Variants in SLC30A5 observed in about 807,000 individuals in gnomAD.
SLC30A5 encodes the protein solute carrier family 30 member 5.
A neutral mutation model predicts 79.6 loss-of-function variants in SLC30A5; 33 were observed. The ratio of observed to expected loss-of-function variants is 0.41; its 90% CI spans 0.31 to 0.55. The LOEUF (loss-of-function observed/expected upper bound fraction) is 0.55, where lower values mean the gene tolerates loss of function less well. Among genes scored for constraint, SLC30A5 ranks in the 20% least tolerant of loss-of-function variants. The pLI is 0.20. For synonymous variants in SLC30A5, 299 were observed against 319.7 expected, an observed-to-expected ratio of 0.94 and a Z score of 0.69; for missense variants, 788 against 928.1, an observed-to-expected ratio of 0.85 and a Z score of 1.96.
chr5:69,124,038 G>A (rs537089480), intron 14 of SLC30A5, among the ~76,000 whole-genome samples: 486 of 149,296 alleles, frequency 3.3e-3, no homozygotes, highest in Middle Eastern at 0.014. Context: ...GCGTGAACCC[G>A]GGAGGCAGAG....
At chr5:69,094,398 GCCT>G in intron 1 of SLC30A5, 60 bp downstream of exon 1, 1 of 1,239,956 alleles carries the variant, frequency 8.1e-7, no homozygotes, top group Non-Finnish European at 1.0e-6. Context: ...ACTTTCTCCG[GCCT>G]CCCTCCGGTC....
chr5:69,115,797 T>C, intron 8 of SLC30A5, 129 bp from the exon 9 acceptor site: 1 of 792,098 alleles, frequency 1.3e-6, no homozygotes, highest in Non-Finnish European at 2.0e-6. Context: ...ATAGCTTTTA[T>C]ATGTTGGCAT....
rs536471290 is a variant in SLC30A5, at chr5:69,100,558, C to G, written c.84-249C>G. On this transcript the variant is annotated intron_variant, in intron 1 of 15. Coordinates refer to ENST00000396591, the MANE Select transcript of SLC30A5 (RefSeq NM_022902.5). ...GACCAAGGCTGGAGGATCGCTTGACCAAAGGAGTTCGAGACCAGCCTGGGC... is the reference window on the plus strand; with the variant it reads ...GACCAAGGCTGGAGGATCGCTTGACGAAAGGAGTTCGAGACCAGCCTGGGC... Among the ~76,000 whole-genome samples, 58 of 149,474 alleles carry G rather than the reference C, an allele frequency of 3.9e-4. 1 individual carries two copies. The highest frequency in any genetic ancestry group is 1.4e-3 in the African/African-American group (57 of 40,480).
chr5:69,129,012 A>G (rs1215232107), intron 15 of SLC30A5, among the ~76,000 whole-genome samples: 1 of 152,114 alleles, frequency 6.6e-6, no homozygotes, highest in Non-Finnish European at 1.5e-5. Context: ...CATTCATTTT[A>G]GAGACAAGAT....
chr5:69,121,165 A>C (rs1746524240), intron 12 of SLC30A5, among the ~76,000 whole-genome samples: 1 of 152,172 alleles, frequency 6.6e-6, no homozygotes, highest in Non-Finnish European at 1.5e-5. Context: ...AATTTAAATA[A>C]ATGCGAGATT....
At position 69,129,652 on chromosome 5, in the gene SLC30A5, T is replaced by C. The variant is rs1283341607; in HGVS notation, c.*35T>C. On this transcript the variant is annotated 3_prime_UTR_variant, in exon 16 of 16. Coordinates refer to ENST00000396591, the MANE Select transcript of SLC30A5 (RefSeq NM_022902.5). ...AGAATTACCCCTGGAGAATAAACAA[T>C]GAAGATTAAATGACTCAGTATTTGT... 1 of 1,560,144 alleles carries C rather than the reference T, an allele frequency of 6.4e-7. No homozygotes were observed. Among genetic ancestry groups the C allele is most frequent in the African/African-American group, 1.4e-5 (1 of 73,382 alleles).
At chr5:69,101,112 C>T (rs942824247) in intron 2 of SLC30A5, among the ~76,000 whole-genome samples, 183 bp downstream of exon 2, 4 of 152,002 alleles carry the variant, frequency 2.6e-5, no homozygotes, top group Admixed American at 6.6e-5. Flanking sequence ...GAAAAGAAAA[C>T]GGATTGTTGT....
chr5:69,113,762 A>C (rs1389151467), intron 6 of SLC30A5, among the ~76,000 whole-genome samples: 1 of 152,088 alleles, frequency 6.6e-6, no homozygotes, highest in Non-Finnish European at 1.5e-5. Context: ...CTATTCATAC[A>C]TCCTTACCCA....
At chr5:69,107,734 CTT>C (rs377505223) in intron 4 of SLC30A5, among the ~76,000 whole-genome samples, 30 of 136,902 alleles carry the variant, frequency 2.2e-4, no homozygotes, top group Admixed American at 2.9e-4. Flanking sequence ...GTTGCCTGTA[CTT>C]TTTTTTTTTT....
At chr5:69,118,469 C>G in intron 11 of SLC30A5, 30 bp from the exon 12 acceptor site, 1 of 1,573,942 alleles carries the variant, frequency 6.4e-7, no homozygotes, top group East Asian at 2.4e-5. Context: ...TTGTCCTTTT[C>G]CTTTTCTGAA....
rs1746383547 is a variant in SLC30A5, at chr5:69,116,732, T to C, written c.1281+130T>C. ...AGCTAAAATTTAAATTTTTTCTAAG[T>C]ATAATAGCAAGATTACGAGATCATA... On this transcript the variant is annotated intron_variant, in intron 10 of 15. Coordinates refer to ENST00000396591, the MANE Select transcript of SLC30A5 (RefSeq NM_022902.5). This position sits in a 1 kb window ranked among gnomAD's most constrained non-coding sequence, Gnocchi z 4.0. 2 of 593,908 alleles carry C rather than the reference T, an allele frequency of 3.4e-6. No individual in the cohort carries two copies. Among genetic ancestry groups the C allele is most frequent in the Non-Finnish European group, 5.4e-6 (2 of 369,838 alleles). The allele number at this position is 593,908 out of a possible 1,614,324, so 36.8% of individuals were successfully genotyped here. A position where few individuals can be genotyped will look rare whatever the true frequency, so the allele number is the denominator to read the frequency against.
chr5:69,103,439 G>A (rs893456226), intron 3 of SLC30A5, among the ~76,000 whole-genome samples: 2 of 152,146 alleles, frequency 1.3e-5, no homozygotes, highest in African/African-American at 4.8e-5. Context: ...CAAGAGCCTA[G>A]TACAAATGTC....
chr5:69,110,336 C>T (rs1746199204), intron 5 of SLC30A5, among the ~76,000 whole-genome samples: 1 of 152,040 alleles, frequency 6.6e-6, no homozygotes, highest in African/African-American at 2.4e-5. Flanking sequence ...TAGATAAAGA[C>T]AAATAAGGTA....
In SLC30A5 at chr5:69,108,370, C is replaced by CA; in HGVS notation, c.382dup (p.Ser128LysfsTer2). ...GTAGGACTTTGCTGCTATTTGAGCA[C>CA]AGTGATATTGTTGTCATTTCACTAC... is the stretch of plus-strand genomic sequence containing the variant. On this transcript the variant is annotated frameshift_variant, in exon 5 of 16. Coordinates refer to ENST00000396591, the MANE Select transcript of SLC30A5 (RefSeq NM_022902.5). LOFTEE classifies it high-confidence loss of function. The CA allele has an allele frequency of 6.2e-7, 1 of 1,612,954 alleles. No individual in the cohort carries two copies. The highest frequency in any genetic ancestry group is 1.3e-5 in the African/African-American group (1 of 75,012).
chr5:69,114,345 C>T (rs1357614006), intron 6 of SLC30A5, 75 bp from the exon 7 acceptor site: 5 of 845,424 alleles, frequency 5.9e-6, no homozygotes, highest in Non-Finnish European at 1.0e-5. Context: ...AATAATGTAA[C>T]TAAAATTTCA....
intron 14 of SLC30A5, among the ~76,000 whole-genome samples, chr5:69,124,081 T>G (rs350110): frequency 7.3e-6 from 1 of 136,540 alleles, no homozygotes; most frequent in African/African-American, 2.9e-5. Context: ...CCACTACACT[T>G]CAGCCTGGGT....
intron 6 of SLC30A5, 99 bp downstream of exon 6, chr5:69,113,326 A>G (rs1746284323): frequency 1.3e-6 from 1 of 787,200 alleles, no homozygotes; most frequent in Non-Finnish European, 2.0e-6. Context: ...AAACTGATCA[A>G]TGATGAATGA....
At chr5:69,104,249 T>A in intron 3 of SLC30A5, 1 of 581,354 alleles carries the variant, frequency 1.7e-6, no homozygotes, top group Non-Finnish European at 2.6e-6. Flanking sequence ...GCGATTCTCC[T>A]GCCTCAGCCT....
intron 1 of SLC30A5, among the ~76,000 whole-genome samples, chr5:69,096,972 CAAAA>C (rs35484001): frequency 6.8e-6 from 1 of 146,414 alleles, no homozygotes; most frequent in East Asian, 2.0e-4. Context: ...CTTTCCCCTC[CAAAA>C]AAAAACCCCA....
Sources: allele counts gnomAD v4.1 joint callset (sites outside exome capture counted in the v4.1 genomes callset), GRCh38; gene constraint gnomAD v4.1.1; non-coding constraint Gnocchi (gnomAD v3.1); transcripts MANE v1.5; gene names NCBI Gene and HGNC (gene_info 2026-07-23, HGNC 2026-07-21).